Variants in MTMR7 observed in about 807,000 individuals in gnomAD.
MTMR7 encodes phosphatidylinositol-3-phosphate phosphatase MTMR7.
MTMR7 carries 76 observed loss-of-function variants against 81.2 expected under a neutral mutation model. The ratio of observed to expected loss-of-function variants is 0.94; its 90% CI spans 0.78 to 1.13. MTMR7 has a LOEUF of 1.13. Among genes scored for constraint, MTMR7 ranks in the 50% most tolerant of loss-of-function variants. MTMR7 has a pLI of 0.00. For missense variants in MTMR7, 1,044 were observed against 820.0 expected, an observed-to-expected ratio of 1.27 and a Z score of -3.34; for synonymous variants, 372 against 289.8, an observed-to-expected ratio of 1.28 and a Z score of -2.88.
chr8:17,314,684 A>T (rs185488834), intron 7 of MTMR7, among the ~76,000 whole-genome samples: 1 of 152,228 alleles, frequency 6.6e-6, no homozygotes, highest in African/African-American at 2.4e-5. Context: ...AATAACACCA[A>T]AATTCCCAGC....
At chr8:17,346,868 A>G (rs1563349630) in intron 5 of MTMR7, among the ~76,000 whole-genome samples, 2 of 116,926 alleles carry the variant, frequency 1.7e-5, no homozygotes, top group Non-Finnish European at 3.3e-5. Flanking sequence ...TCCTATCTCT[A>G]TTTATCCTAT....
chr8:17,304,228 C>G lies in MTMR7; in HGVS notation c.1493+151G>C, dbSNP rs952300071. 9 of 779,768 alleles carry G rather than the reference C, an allele frequency of 1.2e-5. No individual in the cohort carries two copies. In the African/African-American group the frequency reaches 1.2e-4, roughly 11 times the overall value. The allele number at this position is 779,768 out of a possible 1,614,324, so 48.3% of individuals were successfully genotyped here. A position where few individuals can be genotyped will look rare whatever the true frequency, so the allele number is the denominator to read the frequency against. On this transcript the variant is annotated intron_variant, in intron 12 of 13. Coordinates refer to ENST00000180173, the MANE Select transcript of MTMR7 (RefSeq NM_004686.5). ...GCAGAGGAGTCACTGGCAAAAATAC[C>G]AGATCAGATATTCAAGCATCTCCCT...
intron 1 of MTMR7, among the ~76,000 whole-genome samples, chr8:17,377,220 C>A (rs1820617123): frequency 6.6e-6 from 1 of 152,084 alleles, no homozygotes; most frequent in Non-Finnish European, 1.5e-5. Context: ...CTTCTTTACA[C>A]AGAAATCTTT....
intron 4 of MTMR7, among the ~76,000 whole-genome samples, chr8:17,355,393 T>G (rs1452272831): frequency 6.6e-6 from 1 of 152,148 alleles, no homozygotes; most frequent in East Asian, 1.9e-4. Flanking sequence ...CATGGAAGTG[T>G]CCATTCTAGC....
chr8:17,392,867 GC>G (rs1235422716), intron 1 of MTMR7, among the ~76,000 whole-genome samples: 1 of 152,206 alleles, frequency 6.6e-6, no homozygotes, highest in Non-Finnish European at 1.5e-5. Context: ...AGTTCTTTCA[GC>G]ATACAAACTT....
At chr8:17,403,124 AG>A (rs1821476184) in intron 1 of MTMR7, among the ~76,000 whole-genome samples, 1 of 151,982 alleles carries the variant, frequency 6.6e-6, no homozygotes, top group Non-Finnish European at 1.5e-5. Context: ...GAGTTGTTTG[AG>A]CCCCTTATAT....
chr8:17,367,884 T>G (rs573461530), intron 3 of MTMR7, among the ~76,000 whole-genome samples: 2 of 151,346 alleles, frequency 1.3e-5, no homozygotes, highest in East Asian at 3.9e-4. Flanking sequence ...TTTTTTTTTT[T>G]CTATTTTTAA....
chr8:17,374,401 T>C (rs1043871123), intron 1 of MTMR7, among the ~76,000 whole-genome samples: 1 of 151,338 alleles, frequency 6.6e-6, no homozygotes, highest in Non-Finnish European at 1.5e-5. Flanking sequence ...GGCAGGTGGA[T>C]CACGAGGTAA....
rs190595820 is a variant in MTMR7, at chr8:17,324,219, C to G, written c.865+6931G>C. ...ATAAATGAAGGAAGCACTTGTCTAT[C>G]CAATGCCTGGCATATAGAACACTCT... On this transcript the variant is annotated intron_variant, in intron 7 of 13. Transcript: ENST00000180173. 2.6e-4 allele frequency among the ~76,000 whole-genome samples: 40 copies of G among 152,258 alleles called. 1 individual carries two copies. Among genetic ancestry groups the G allele is most frequent in the South Asian group, 6.2e-4 (3 of 4,816 alleles).
intron 6 of MTMR7, among the ~76,000 whole-genome samples, chr8:17,332,074 T>A (rs975426771): frequency 6.6e-6 from 1 of 152,126 alleles, no homozygotes; most frequent in African/African-American, 2.4e-5. Context: ...AATGCATCGG[T>A]TTCTAGAATG....
intron 4 of MTMR7, among the ~76,000 whole-genome samples, chr8:17,353,528 C>T (rs1819793415): frequency 6.6e-6 from 1 of 152,170 alleles, no homozygotes; most frequent in Admixed American, 6.5e-5. Context: ...GAGTTGTAGT[C>T]AAAACTCTGA....
chr8:17,356,070 C>T (rs1251624486), intron 4 of MTMR7, among the ~76,000 whole-genome samples: 1 of 152,146 alleles, frequency 6.6e-6, no homozygotes, highest in Non-Finnish European at 1.5e-5. Context: ...TCCTATCCAC[C>T]CCATTACCAA....
chr8:17,315,184 A>C (rs748224396), intron 7 of MTMR7, among the ~76,000 whole-genome samples: 12 of 152,232 alleles, frequency 7.9e-5, no homozygotes, highest in Non-Finnish European at 1.8e-4. Flanking sequence ...GAGCTATGAA[A>C]AGACACAGAG....
chr8:17,413,267 A>G lies in MTMR7; in HGVS notation c.24+2T>C. The G allele has an allele frequency of 6.5e-7, 1 of 1,547,828 alleles. No homozygotes were observed. The highest frequency in any genetic ancestry group is 8.7e-7 in the Non-Finnish European group (1 of 1,144,890). ...TCCTCCGCCCGCGCTGGTGTCACCA[A>G]CCTTGGGCGTACGGATGTGCTCCAT... On this transcript the variant is annotated splice_donor_variant, in intron 1 of 13. Transcript: ENST00000180173. LOFTEE classifies it high-confidence loss of function.
chr8:17,391,792 GA>G (rs1386268238), intron 1 of MTMR7, among the ~76,000 whole-genome samples: 7 of 152,160 alleles, frequency 4.6e-5, no homozygotes, highest in Non-Finnish European at 1.0e-4. Flanking sequence ...AAATGAAAAA[GA>G]GGAGAAAAGT....
At chr8:17,394,427 C>G (rs1335153344) in intron 1 of MTMR7, among the ~76,000 whole-genome samples, 1 of 152,110 alleles carries the variant, frequency 6.6e-6, no homozygotes, top group Non-Finnish European at 1.5e-5. Context: ...TTAAGTTACG[C>G]TTAACTGAAA....
chr8:17,390,910 G>C (rs1301677178), intron 1 of MTMR7, among the ~76,000 whole-genome samples: 2 of 152,218 alleles, frequency 1.3e-5, no homozygotes, highest in African/African-American at 2.4e-5. Context: ...TTACAATTCA[G>C]ATTACAATCC....
chr8:17,308,166 A>G, intron 10 of MTMR7, among the ~76,000 whole-genome samples: 1 of 152,048 alleles, frequency 6.6e-6, no homozygotes, highest in African/African-American at 2.4e-5. Context: ...AATAAACTTT[A>G]CTGCAAATCA....
At chr8:17,351,705 G>T (rs1045480858) in intron 4 of MTMR7, among the ~76,000 whole-genome samples, 2 of 152,218 alleles carry the variant, frequency 1.3e-5, no homozygotes, top group African/African-American at 4.8e-5. Context: ...AGGGGAAAAA[G>T]CTCCATGGGT....
Sources: gnomAD v4.1 joint callset for allele counts (sites outside exome capture counted in the v4.1 genomes callset) on GRCh38, gnomAD v4.1.1 for gene constraint, MANE v1.5 for transcripts, NCBI Gene and HGNC (gene_info 2026-07-23, HGNC 2026-07-21) for gene names.